MERTK: variants seen among roughly 807,000 people sequenced by gnomAD.
MERTK encodes the protein MER proto-oncogene, tyrosine kinase, also known as tyrosine-protein kinase Mer.
Under a neutral mutation model 99.3 loss-of-function variants are expected in MERTK, and 69 were observed. The ratio of observed to expected loss-of-function variants is 0.70; its 90% confidence interval spans 0.57 to 0.85. The LOEUF is 0.85. Ranked by LOEUF, MERTK falls within the 40% of genes least tolerant of loss-of-function variation. MERTK has a pLI of 0.00. For synonymous variants in MERTK, 426 were observed against 467.6 expected, an observed-to-expected ratio of 0.91 and a Z score of 1.15; for missense variants, 1,125 against 1,249.4, an observed-to-expected ratio of 0.90 and a Z score of 1.50.
At chr2:111,914,104 T>TCTTTCTTTC (rs1334896385) in intron 1 of MERTK, among the ~76,000 whole-genome samples, 6 of 112,010 alleles carry the variant, frequency 5.4e-5, no homozygotes, top group African/African-American at 1.1e-4. Context: ...TTTCTTTCTT[T>TCTTTCTTTC]TTTTTTTTTT....
chr2:111,978,458 T>C (rs1676300609), intron 7 of MERTK, among the ~76,000 whole-genome samples: 1 of 152,100 alleles, frequency 6.6e-6, no homozygotes, highest in South Asian at 2.1e-4. Flanking sequence ...TTTTTGTTTG[T>C]TTGTTTGTTT....
At chr2:112,012,695 G>T (rs749606825) in intron 15 of MERTK, among the ~76,000 whole-genome samples, 2 of 152,144 alleles carry the variant, frequency 1.3e-5, no homozygotes, top group Non-Finnish European at 2.9e-5. Context: ...CGGAACCTCA[G>T]ACTGAAGTGC....
chr2:111,936,050 G>C (rs1684760193), intron 2 of MERTK, among the ~76,000 whole-genome samples: 1 of 152,054 alleles, frequency 6.6e-6, no homozygotes, highest in Admixed American at 6.6e-5. Context: ...CTGAGTAGCT[G>C]GGAGTACAGG....
chr2:112,028,573 TGCCTCC>T lies in MERTK; in HGVS notation c.2710_2715del (p.Ala904_Ser905del), dbSNP rs770055965. On this transcript the variant is annotated inframe_deletion, in exon 19 of 19. Transcript: ENST00000295408. Reference sequence around the variant, plus strand: ...TGAACATCGACCCTGACTCTATAATTGCCTCCTGCACTCCCCGCGCTGCCATCAGTG... The same window carrying T: ...TGAACATCGACCCTGACTCTATAATTTGCACTCCCCGCGCTGCCATCAGTG... 1.1e-5 allele frequency: 17 copies of T among 1,614,136 alleles called. No individual in the cohort carries two copies. In the East Asian group the frequency reaches 3.8e-4, roughly 36 times the overall value.
intron 18 of MERTK, among the ~76,000 whole-genome samples, chr2:112,023,886 C>A (rs980896948): frequency 2.0e-5 from 3 of 150,654 alleles, no homozygotes; most frequent in Admixed American, 6.6e-5. Context: ...ACCCTCCCTA[C>A]ACACACACAC....
At chr2:111,961,925 A>C (rs1332605591) in intron 4 of MERTK, among the ~76,000 whole-genome samples, 1 of 152,242 alleles carries the variant, frequency 6.6e-6, no homozygotes, top group African/African-American at 2.4e-5. Context: ...TTCTAGGCTG[A>C]TGCCTGCTGT....
At chr2:112,003,045 A>C (rs377220143) in intron 11 of MERTK, 47 bp from the exon 12 acceptor site, 42 of 857,454 alleles carry the variant, frequency 4.9e-5, no homozygotes, top group Non-Finnish European at 8.1e-5. Context: ...CAAGTGAAAG[A>C]AAACACGCTG....
chr2:112,022,215 G>T, intron 17 of MERTK, 43 bp from the exon 18 acceptor site: 2 of 1,614,050 alleles, frequency 1.2e-6, no homozygotes, highest in East Asian at 2.2e-5. Flanking sequence ...TTCAGGCTTT[G>T]TGGAAAGGCT....
intron 15 of MERTK, 80 bp downstream of exon 15, chr2:112,010,146 T>C: frequency 9.2e-7 from 1 of 1,088,872 alleles, no homozygotes; most frequent in Non-Finnish European, 1.4e-6. Context: ...CATCTAATCT[T>C]GAAAGTGAAG....
intron 1 of MERTK, among the ~76,000 whole-genome samples, chr2:111,912,131 T>C (rs1248528779): frequency 2.6e-5 from 4 of 151,840 alleles, no homozygotes; most frequent in Non-Finnish European, 5.9e-5. Flanking sequence ...GCCTACCAAG[T>C]AGCTAGGATT....
intron 10 of MERTK, among the ~76,000 whole-genome samples, chr2:111,999,241 A>G (rs1676819014): frequency 6.6e-6 from 1 of 152,212 alleles, no homozygotes; most frequent in Non-Finnish European, 1.5e-5. Flanking sequence ...TTTCCCACCA[A>G]TTAGTCTAAA....
At position 112,003,211 on chromosome 2, in the gene MERTK, T is replaced by C. The variant is rs779142522; in HGVS notation, c.1786+24T>C. ...AGGTAAGCAATTTAAAGTAATTCTT[T>C]TAAAATGTGGGATAAGAAGGTAGCA... On this transcript the variant is annotated intron_variant, in intron 12 of 18. Coordinates refer to ENST00000295408, the MANE Select transcript of MERTK (RefSeq NM_006343.3). 5 of 1,112,972 alleles carry C rather than the reference T, an allele frequency of 4.5e-6. No homozygotes were observed. The South Asian group carries it at 6.2e-5, about 14-fold the overall frequency. The allele number at this position is 1,112,972 out of a possible 1,614,324, so 68.9% of individuals were successfully genotyped here.
At chr2:112,026,899 T>C (rs1677474713) in intron 18 of MERTK, among the ~76,000 whole-genome samples, 1 of 152,232 alleles carries the variant, frequency 6.6e-6, no homozygotes, top group African/African-American at 2.4e-5. Context: ...CGTAAGATGC[T>C]AGTAATTTAT....
intron 8 of MERTK, among the ~76,000 whole-genome samples, chr2:111,986,884 G>A (rs1676488454): frequency 6.6e-6 from 1 of 152,182 alleles, no homozygotes; most frequent in Non-Finnish European, 1.5e-5. Flanking sequence ...ATGCAGCTAA[G>A]TTTCAAGCTT....
At chr2:111,961,736 A>G (rs1244432803) in intron 4 of MERTK, among the ~76,000 whole-genome samples, 3 of 152,194 alleles carry the variant, frequency 2.0e-5, no homozygotes, top group Non-Finnish European at 4.4e-5. Flanking sequence ...AAAACCCACC[A>G]GCACTGATTT....
intron 2 of MERTK, among the ~76,000 whole-genome samples, chr2:111,938,538 CTG>C (rs1360289051): frequency 6.6e-6 from 1 of 152,146 alleles, no homozygotes; most frequent in Non-Finnish European, 1.5e-5. Context: ...TAGAGACATG[CTG>C]TGTGTGTATA....
chr2:111,993,202 C>A (rs1676666509), intron 8 of MERTK, among the ~76,000 whole-genome samples: 1 of 152,110 alleles, frequency 6.6e-6, no homozygotes, highest in Non-Finnish European at 1.5e-5. Context: ...GCCATGATGT[C>A]CACTGCCTGT....
rs193207012 is a variant in MERTK, at chr2:111,998,223, T to C, written c.1604+747T>C. On this transcript the variant is annotated intron_variant, in intron 10 of 18. Transcript: ENST00000295408. Reference sequence around the variant, plus strand: ...AGTCTTTATAAGCCTATTCTTACAATTGTTATACCTTAGTATGTGAATTCT... The same window carrying C: ...AGTCTTTATAAGCCTATTCTTACAACTGTTATACCTTAGTATGTGAATTCT... 2.8e-3 allele frequency among the ~76,000 whole-genome samples: 429 copies of C among 152,350 alleles called. 1 individual carries two copies. Among genetic ancestry groups the C allele is most frequent in the African/African-American group, 6.2e-3 (256 of 41,576 alleles).
chr2:112,004,342 C>T (rs1026581174), intron 13 of MERTK, among the ~76,000 whole-genome samples: 6 of 152,062 alleles, frequency 3.9e-5, no homozygotes, highest in African/African-American at 1.4e-4. Flanking sequence ...CTAATAGCAA[C>T]ATCTGACCCC....
Sources: allele counts gnomAD v4.1 joint callset (sites outside exome capture counted in the v4.1 genomes callset), GRCh38; gene constraint gnomAD v4.1.1; transcripts MANE v1.5; gene names NCBI Gene and HGNC (gene_info 2026-07-23, HGNC 2026-07-21).